The following LRRC37A variants were observed in gnomAD, a reference collection of about 807,000 sequenced individuals.
The protein encoded by LRRC37A is leucine rich repeat containing 37A.
A neutral mutation model predicts 35.4 loss-of-function variants in LRRC37A; 3 were observed. The ratio of observed to expected loss-of-function variants is 0.08; its 90% CI spans 0.04 to 0.22. The LOEUF (loss-of-function observed/expected upper bound fraction) is 0.22, where lower values mean the gene tolerates loss of function less well. Ranked by LOEUF, LRRC37A falls within the 10% of genes least tolerant of loss-of-function variation. The pLI, the probability that LRRC37A is intolerant of heterozygous loss-of-function variation, is 1.00. For missense variants in LRRC37A, 67 were observed against 565.3 expected, an observed-to-expected ratio of 0.12 and a Z score of 8.94; for synonymous variants, 23 against 215.0, an observed-to-expected ratio of 0.11 and a Z score of 7.81.
At chr17:46,274,401 C>A in the LRRC37A span, among the ~76,000 whole-genome samples, 3 of 152,218 alleles carry the variant, frequency 2.0e-5, no homozygotes, top group Admixed American at 2.0e-4. Context: ...CTTAGCCCAA[C>A]CTTTATGCAA....
At chr17:46,260,354 C>T in the LRRC37A span, 1 of 1,517,024 alleles carries the variant, frequency 6.6e-7, no homozygotes, top group Admixed American at 2.0e-5. Flanking sequence ...AGGTCATCAT[C>T]AGGCGGAACT....
intron 5 of LRRC37A, among the ~76,000 whole-genome samples, chr17:46,317,181 G>GA (rs1368872848): frequency 2.4e-5 from 2 of 84,928 alleles, no homozygotes; most frequent in Admixed American, 1.2e-4. Context: ...CATCCCAGAC[G>GA]GGCATGCCCA....
the LRRC37A span, among the ~76,000 whole-genome samples, chr17:46,271,171 T>TCTTTTCTTTTC: frequency 0.12 from 18,260 of 150,386 alleles, 4 homozygotes; most frequent in Non-Finnish European, 0.18. Flanking sequence ...TTTCTTTTTT[T>TCTTTTCTTTTC]TTTTTTTTTT....
At chr17:46,251,520 A>C in the LRRC37A span, among the ~76,000 whole-genome samples, 5 of 151,838 alleles carry the variant, frequency 3.3e-5, no homozygotes, top group South Asian at 8.3e-4. Context: ...AGCCTCCCAA[A>C]GTGCTGGGAT....
At chr17:46,251,111 A>G in the LRRC37A span, among the ~76,000 whole-genome samples, 2 of 152,186 alleles carry the variant, frequency 1.3e-5, no homozygotes, top group Admixed American at 6.5e-5. Flanking sequence ...AAAACAAACA[A>G]AAAACTCTGG....
chr17:46,250,279 G>A, the LRRC37A span, among the ~76,000 whole-genome samples: 1 of 152,220 alleles, frequency 6.6e-6, no homozygotes, highest in Non-Finnish European at 1.5e-5. Flanking sequence ...CCAAATCACG[G>A]TTCCAGACAA....
chr17:46,276,345 T>A, the LRRC37A span, among the ~76,000 whole-genome samples: 1 of 152,266 alleles, frequency 6.6e-6, no homozygotes, highest in Non-Finnish European at 1.5e-5. Context: ...TTCACGTGGC[T>A]GCTAGAATAA....
chr17:46,292,143 C>T (rs1192906274), upstream of LRRC37A, among the ~76,000 whole-genome samples: 3 of 129,876 alleles, frequency 2.3e-5, no homozygotes, highest in Admixed American at 2.4e-4. Flanking sequence ...ACCAGCTTGG[C>T]TAACATGGTG....
At chr17:46,255,899 T>A in the LRRC37A span, among the ~76,000 whole-genome samples, 19 of 151,478 alleles carry the variant, frequency 1.3e-4, no homozygotes, top group African/African-American at 4.6e-4. Flanking sequence ...ATGGTCTCGA[T>A]CTCCTGACCT....
chr17:46,257,932 C>T, the LRRC37A span, among the ~76,000 whole-genome samples: 6 of 152,158 alleles, frequency 3.9e-5, no homozygotes, highest in Non-Finnish European at 7.3e-5. Context: ...GGTGGTTCTG[C>T]TCAGTTCTCT....
the LRRC37A span, among the ~76,000 whole-genome samples, chr17:46,253,113 G>A: frequency 4.7e-5 from 7 of 147,968 alleles, no homozygotes; most frequent in African/African-American, 1.7e-4. Flanking sequence ...TTCTCAGATG[G>A]GGCGGCCGGG....
chr17:46,283,770 G>T, the LRRC37A span, among the ~76,000 whole-genome samples: 1 of 152,332 alleles, frequency 6.6e-6, no homozygotes. Flanking sequence ...GCCGGCCTCT[G>T]AGTTCCCTTC....
the LRRC37A span, among the ~76,000 whole-genome samples, chr17:46,272,531 C>T: frequency 6.6e-6 from 1 of 152,252 alleles, no homozygotes; most frequent in African/African-American, 2.4e-5. Flanking sequence ...TCTCCTGCCT[C>T]AGCCTCCCTA....
In LRRC37A at chr17:46,297,298, ACCTGG is replaced by A; in HGVS notation, c.2166_2170del (p.Asp722GlufsTer13). On this transcript the variant is annotated frameshift_variant, in exon 1 of 14. Coordinates refer to ENST00000320254, the Ensembl canonical transcript of LRRC37A. LOFTEE classifies it high-confidence loss of function. ...ACTCAAGCCACCGTTCAACCTCTGG[ACCTGG>A]AGCTTACCATAACTACAAAACCTAC... 1.8e-6 allele frequency: 1 copy of A among 544,360 alleles called. No homozygotes were observed. The highest frequency in any genetic ancestry group is 3.1e-6 in the Non-Finnish European group (1 of 326,166). The allele number at this position is 544,360 out of a possible 1,614,324, so 33.7% of individuals were successfully genotyped here. A position where few individuals can be genotyped will look rare whatever the true frequency, so the allele number is the denominator to read the frequency against.
At chr17:46,254,333 G>A in the LRRC37A span, among the ~76,000 whole-genome samples, 1 of 152,140 alleles carries the variant, frequency 6.6e-6, no homozygotes, top group Admixed American at 6.5e-5. Flanking sequence ...AGGAAGAAAT[G>A]TGTAGATCAG....
the LRRC37A span, among the ~76,000 whole-genome samples, chr17:46,279,171 C>G: frequency 6.6e-6 from 1 of 151,168 alleles, no homozygotes; most frequent in Admixed American, 6.6e-5. Context: ...GCTAATAAGG[C>G]ATTCTTTTTT....
chr17:46,289,465 C>T (rs2050008303), upstream of LRRC37A, among the ~76,000 whole-genome samples: 1 of 152,268 alleles, frequency 6.6e-6, no homozygotes, highest in East Asian at 1.9e-4. Flanking sequence ...GCCACTTGTA[C>T]CCAGCCATAA....
the LRRC37A span, among the ~76,000 whole-genome samples, chr17:46,263,475 C>A: frequency 2.0e-5 from 3 of 146,922 alleles, no homozygotes; most frequent in East Asian, 6.1e-4. Context: ...CGATTGAACC[C>A]AGGAGGTGGA....
the LRRC37A span, among the ~76,000 whole-genome samples, chr17:46,256,928 T>C: frequency 4.6e-5 from 7 of 152,238 alleles, no homozygotes; most frequent in Admixed American, 2.6e-4. Context: ...TCATCGCCAT[T>C]TGTAGAAGGA....
Sources: gnomAD v4.1 joint callset for allele counts (sites outside exome capture counted in the v4.1 genomes callset) on GRCh38, gnomAD v4.1.1 for gene constraint, MANE v1.5 for transcripts, NCBI Gene and HGNC (gene_info 2026-07-23, HGNC 2026-07-21) for gene names.